DHX40: variants seen among roughly 807,000 people sequenced by gnomAD.
The protein encoded by DHX40 is DEAH-box helicase 40, also known as probable ATP-dependent RNA helicase DHX40.
A neutral mutation model predicts 89.6 loss-of-function variants in DHX40; 28 were observed. The ratio of observed to expected loss-of-function variants is 0.31; its 90% CI spans 0.23 to 0.43. The LOEUF (loss-of-function observed/expected upper bound fraction) is 0.43. Among genes scored for constraint, DHX40 ranks in the 20% least tolerant of loss-of-function variants. The pLI is 1.00. For synonymous variants in DHX40, 226 were observed against 283.6 expected, an observed-to-expected ratio of 0.80 and a Z score of 2.04; for missense variants, 457 against 844.0, an observed-to-expected ratio of 0.54 and a Z score of 5.68.
At chr17:59,604,848 G>C (rs2030747673) in intron 15 of DHX40, 1 of 341,726 alleles carries the variant, frequency 2.9e-6, no homozygotes. Flanking sequence ...GGCTCTCAAA[G>C]CTCATAGATT....
At chr17:59,591,179 A>C (rs2049076796) in intron 12 of DHX40, among the ~76,000 whole-genome samples, 1 of 151,576 alleles carries the variant, frequency 6.6e-6, no homozygotes, top group Non-Finnish European at 1.5e-5. Context: ...CGTGGCGTGC[A>C]CCTGTGTTGC....
At position 59,607,301 on chromosome 17, in the gene DHX40, G is replaced by T; in HGVS notation, c.*129G>T. On this transcript the variant is annotated 3_prime_UTR_variant, in exon 18 of 18. Transcript: ENST00000251241. Reference sequence around the variant, plus strand: ...CTTGTTATTGGCCTATGAACTAAAAGCAAATCAAAGCTCATAAATCAAAGC... The same window carrying T: ...CTTGTTATTGGCCTATGAACTAAAATCAAATCAAAGCTCATAAATCAAAGC... 6.4e-7 allele frequency: 1 copy of T among 1,560,946 alleles called. No individual in the cohort carries two copies.
intron 6 of DHX40, 36 bp from the exon 7 acceptor site, chr17:59,575,304 T>G: frequency 6.8e-7 from 1 of 1,473,598 alleles, no homozygotes; most frequent in Non-Finnish European, 9.2e-7. Flanking sequence ...ATTTTTCTGT[T>G]CAGTTGCTGA....
intron 12 of DHX40, among the ~76,000 whole-genome samples, chr17:59,595,414 C>T (rs114367112): frequency 0.023 from 2,835 of 121,670 alleles, 3 homozygotes; most frequent in East Asian, 0.037. Context: ...GAAAAGTTTT[C>T]GGAGATTTGT....
chr17:59,602,402 G>A lies in DHX40; in HGVS notation c.1807-120G>A. The stretch of plus-strand genomic sequence containing the variant: ...GGTTTCAGGTGGAAGGGTAAATCTG[G>A]TCTCTCTTAATCTATGTTGGCCAGA... On this transcript the variant is annotated intron_variant, in intron 14 of 17. Transcript: ENST00000251241. 3 of 806,130 alleles carry A rather than the reference G, an allele frequency of 3.7e-6. 1 individual carries two copies. In the South Asian group the frequency reaches 7.5e-5, roughly 20 times the overall value. 49.9% of individuals were successfully genotyped at this position (806,130 alleles called of 1,614,324 possible). A position where few individuals can be genotyped will look rare whatever the true frequency, so the allele number is the denominator to read the frequency against.
At chr17:59,605,024 A>G (rs760284101) in intron 15 of DHX40, 91 bp from the exon 16 acceptor site, 82 of 1,051,580 alleles carry the variant, frequency 7.8e-5, no homozygotes, top group Non-Finnish European at 1.1e-4. Context: ...GTAGTAGAAC[A>G]TATTGTAATT....
chr17:59,577,486 T>C (rs1403308859), intron 8 of DHX40, 121 bp downstream of exon 8: 2 of 727,854 alleles, frequency 2.7e-6, no homozygotes, highest in Non-Finnish European at 4.6e-6. Context: ...TACTTTTTGA[T>C]GTTCTTAACA....
chr17:59,569,182 G>A (rs1470370718), intron 2 of DHX40, among the ~76,000 whole-genome samples: 1 of 152,084 alleles, frequency 6.6e-6, no homozygotes, highest in Non-Finnish European at 1.5e-5. Flanking sequence ...TACAAAATTA[G>A]CTGGGTGTGG....
At chr17:59,594,898 C>CT (rs1263836248) in intron 12 of DHX40, among the ~76,000 whole-genome samples, 1 of 151,470 alleles carries the variant, frequency 6.6e-6, no homozygotes, top group Non-Finnish European at 1.5e-5. Context: ...TTAGGCTTGT[C>CT]TTAAGCATTT....
intron 1 of DHX40, 63 bp downstream of exon 1, chr17:59,565,846 G>A: frequency 1.4e-6 from 2 of 1,393,656 alleles, no homozygotes; most frequent in Non-Finnish European, 1.9e-6. Context: ...TTGGTGGGGG[G>A]ATGAAAGTAC....
In DHX40 at chr17:59,605,493, A is replaced by G. The variant is rs894839016; in HGVS notation, c.2019A>G (p.Val673=). 6.2e-7 allele frequency: 1 copy of G among 1,613,950 alleles called. No homozygotes were observed. Reference sequence around the variant, plus strand: ...TTGAATGGATCATTTTTCATGAGGTATTGGTTACCACCAAAGTCTACGCAA... The same window carrying G: ...TTGAATGGATCATTTTTCATGAGGTGTTGGTTACCACCAAAGTCTACGCAA... ...TKLEWIIFHE[V]LVTTKVYARI... is the part of the protein sequence containing the mutation. Residue 673 remains valine, a synonymous_variant, in exon 17 of 18, where the codon GTA becomes GTG. Transcript: ENST00000251241.
At chr17:59,605,286 A>G (rs1040665188) in intron 16 of DHX40, 102 bp downstream of exon 16, 63 of 1,307,984 alleles carry the variant, frequency 4.8e-5, no homozygotes, top group Non-Finnish European at 6.4e-5. Context: ...AAATTTACAT[A>G]TATCTATATT....
intron 14 of DHX40, among the ~76,000 whole-genome samples, chr17:59,602,134 T>A (rs913382924): frequency 2.0e-5 from 3 of 152,216 alleles, no homozygotes; most frequent in African/African-American, 7.2e-5. Flanking sequence ...TCTCCTGAAC[T>A]CTTGTCCTGT....
intron 12 of DHX40, among the ~76,000 whole-genome samples, chr17:59,589,271 G>A (rs1005716273): frequency 2.1e-5 from 3 of 140,698 alleles, no homozygotes; most frequent in Non-Finnish European, 4.5e-5. Context: ...ACCCGGGCTG[G>A]AGTGCAGTGG....
intron 2 of DHX40, 106 bp downstream of exon 2, chr17:59,566,900 TC>T: frequency 1.0e-6 from 1 of 986,642 alleles, no homozygotes; most frequent in Non-Finnish European, 1.4e-6. Flanking sequence ...TGCTTTATAG[TC>T]CCGCTTCTCT....
At position 59,586,039 on chromosome 17, in the gene DHX40, A is replaced by T. The variant is rs931850944; in HGVS notation, c.1344-114A>T. On this transcript the variant is annotated intron_variant, in intron 10 of 17. Coordinates refer to ENST00000251241, the MANE Select transcript of DHX40 (RefSeq NM_024612.5). ...CATATAATTTTTTTTTAGAAAAAGA[A>T]GATGACTTGAAAAATAGAAATAAAA... The T allele has an allele frequency of 1.9e-4, 142 of 762,694 alleles. 2 individuals carry two copies. In the South Asian group the frequency reaches 2.0e-3, roughly 11 times the overall value. The allele number at this position is 762,694 out of a possible 1,614,324, so 47.2% of individuals were successfully genotyped here.
chr17:59,567,952 A>C (rs1475264560), intron 2 of DHX40, among the ~76,000 whole-genome samples: 1 of 142,148 alleles, frequency 7.0e-6, no homozygotes, highest in Non-Finnish European at 1.5e-5. Context: ...AAAATTTTTT[A>C]GGCCGGGCGC....
chr17:59,574,548 T>C (rs2048854524), intron 6 of DHX40, among the ~76,000 whole-genome samples: 1 of 150,646 alleles, frequency 6.6e-6, no homozygotes. Flanking sequence ...TAATAGTGTA[T>C]ATGTATATAT....
In DHX40 at chr17:59,573,873, T is replaced by C; in HGVS notation, c.680T>C (p.Ile227Thr). The change falls in exon 5 of 18, where the codon ATA becomes ACA. Residue 227 changes from isoleucine to threonine, a missense_variant. This residue lies in a region of DHX40 where 116 missense variants were observed against 188.9 expected (regional missense o/e 0.61). Coordinates refer to ENST00000251241, the MANE Select transcript of DHX40 (RefSeq NM_024612.5). ...TCTGCATTCTTTGGAAATTGTCCAA[T>C]ATTTGATATACCTGGAAGGCTTTAT... is the stretch of plus-strand genomic sequence containing the variant. ...KLSAFFGNCP[I>T]FDIPGRLYPV... The C allele has an allele frequency of 1.2e-6, 2 of 1,612,240 alleles. No individual in the cohort carries two copies.
Sources: allele counts gnomAD v4.1 joint callset (sites outside exome capture counted in the v4.1 genomes callset), GRCh38; gene constraint gnomAD v4.1.1; regional missense constraint gnomAD v4.1.1; transcripts MANE v1.5; gene names NCBI Gene and HGNC (gene_info 2026-07-23, HGNC 2026-07-21).